CNTNAP2: variants seen among roughly 807,000 people sequenced by gnomAD.
The protein encoded by CNTNAP2 is contactin-associated protein-like 2.
Under a neutral mutation model 155.2 loss-of-function variants are expected in CNTNAP2, and 98 were observed. That is an observed-to-expected ratio of 0.63 (90% CI 0.54 to 0.75). The LOEUF (loss-of-function observed/expected upper bound fraction) is 0.75, where lower values mean the gene tolerates loss of function less well. Among genes scored for constraint, CNTNAP2 ranks in the 30% least tolerant of loss-of-function variants. The pLI is 0.00. For missense variants in CNTNAP2, 1,727 were observed against 1,688.1 expected (o/e 1.02, Z -0.40); for synonymous variants, 651 against 631.2 (o/e 1.03, Z -0.47).
intron 9 of CNTNAP2, among the ~76,000 whole-genome samples, chr7:147,332,016 A>T (rs938346579): frequency 6.6e-6 from 1 of 152,230 alleles, no homozygotes; most frequent in Non-Finnish European, 1.5e-5. Flanking sequence ...TTATTAAGGT[A>T]TACCATGACA....
chr7:146,654,580 T>C (rs1207422712), intron 1 of CNTNAP2, among the ~76,000 whole-genome samples: 1 of 152,166 alleles, frequency 6.6e-6, no homozygotes, highest in Non-Finnish European at 1.5e-5. Context: ...AGTCAAAAAA[T>C]ACTTGGGGCT....
intron 5 of CNTNAP2, among the ~76,000 whole-genome samples, chr7:147,119,864 C>G (rs556651386): frequency 6.6e-6 from 1 of 152,132 alleles, no homozygotes; most frequent in South Asian, 2.1e-4. Flanking sequence ...TATTCTGAAA[C>G]CCTATTATAT....
chr7:147,803,428 C>T (rs2116594966), intron 13 of CNTNAP2, among the ~76,000 whole-genome samples: 1 of 152,322 alleles, frequency 6.6e-6, no homozygotes, highest in Non-Finnish European at 1.5e-5. Context: ...CTGCTGGTGG[C>T]ACCGCAGGGA....
intron 1 of CNTNAP2, among the ~76,000 whole-genome samples, chr7:146,373,838 A>G (rs1030319028): frequency 2.0e-5 from 3 of 152,190 alleles, no homozygotes; most frequent in Non-Finnish European, 4.4e-5. Flanking sequence ...CTGGAATTGT[A>G]TCAGAAACAC....
chr7:148,403,715 A>G (rs1445539082), intron 22 of CNTNAP2, among the ~76,000 whole-genome samples: 1 of 152,220 alleles, frequency 6.6e-6, no homozygotes, highest in Non-Finnish European at 1.5e-5. Flanking sequence ...GTTTGTTCCC[A>G]GGGGAAAGGT....
At chr7:146,928,615 A>G (rs1405599140) in intron 3 of CNTNAP2, among the ~76,000 whole-genome samples, 4 of 152,194 alleles carry the variant, frequency 2.6e-5, no homozygotes. Context: ...ACCGTGCACG[A>G]GCCGAAGCAG....
chr7:146,470,353 TAATA>T (rs1298801387), intron 1 of CNTNAP2, among the ~76,000 whole-genome samples: 2 of 152,160 alleles, frequency 1.3e-5, no homozygotes. Context: ...AATAAAGAGA[TAATA>T]AATAAACATC....
intron 22 of CNTNAP2, among the ~76,000 whole-genome samples, chr7:148,391,126 T>C (rs1244307474): frequency 6.6e-6 from 1 of 152,212 alleles, no homozygotes; most frequent in African/African-American, 2.4e-5. Context: ...TTTTACCTTA[T>C]AATAAAGAGA....
intron 1 of CNTNAP2, among the ~76,000 whole-genome samples, chr7:146,354,411 A>ATTTTTTTTTTTTTTTTTTTTTTT (rs10641636): frequency 2.2e-5 from 3 of 135,346 alleles, no homozygotes; most frequent in African/African-American, 5.6e-5. Context: ...TCTTGTTAGT[A>ATTTTTTTTTTTTTTTTTTTTTTT]TTTTTTTTTT....
chr7:146,485,228 A>T (rs1201512760), intron 1 of CNTNAP2, among the ~76,000 whole-genome samples: 1 of 152,094 alleles, frequency 6.6e-6, no homozygotes, highest in Non-Finnish European at 1.5e-5. Context: ...CAGAGAGTGG[A>T]AAAAAATCAC....
intron 10 of CNTNAP2, among the ~76,000 whole-genome samples, chr7:147,430,126 G>T (rs1797441230): frequency 6.6e-6 from 1 of 152,070 alleles, no homozygotes; most frequent in Non-Finnish European, 1.5e-5. Flanking sequence ...TAGATATTTG[G>T]TGTCAGAAAC....
At chr7:147,643,042 G>T (rs1795306655) in intron 13 of CNTNAP2, among the ~76,000 whole-genome samples, 1 of 152,162 alleles carries the variant, frequency 6.6e-6, no homozygotes, top group African/African-American at 2.4e-5. Context: ...CCCAGGCTTT[G>T]ATAGAGCTTG....
chr7:147,722,008 G>A (rs915758528), intron 13 of CNTNAP2, among the ~76,000 whole-genome samples: 2 of 152,122 alleles, frequency 1.3e-5, no homozygotes, highest in Non-Finnish European at 2.9e-5. Flanking sequence ...AGTCTGTTCA[G>A]TTATAACCCA....
intron 20 of CNTNAP2, among the ~76,000 whole-genome samples, chr7:148,256,091 T>G (rs1165597879): frequency 2.0e-5 from 3 of 152,214 alleles, no homozygotes; most frequent in African/African-American, 7.2e-5. Context: ...CGAGATGTTT[T>G]AGTACATACG....
chr7:147,838,648 C>T (rs117810716), intron 13 of CNTNAP2, among the ~76,000 whole-genome samples: 2,075 of 152,302 alleles, frequency 0.014, 26 homozygotes, highest in Non-Finnish European at 0.021. Flanking sequence ...TGCTCCAGTT[C>T]CCAACAAGTT....
intron 1 of CNTNAP2, among the ~76,000 whole-genome samples, chr7:146,750,562 G>C (rs905185988): frequency 6.6e-6 from 1 of 151,320 alleles, no homozygotes; most frequent in African/African-American, 2.4e-5. Flanking sequence ...ATACTGGTGG[G>C]CTTCTTGAGC....
chr7:147,005,455 TGAA>T (rs1798507982), intron 3 of CNTNAP2, among the ~76,000 whole-genome samples: 1 of 151,930 alleles, frequency 6.6e-6, no homozygotes, highest in South Asian at 2.1e-4. Flanking sequence ...AAAGGACAAA[TGAA>T]GAACATAAAA....
At chr7:147,337,815 A>G (rs1170345808) in intron 9 of CNTNAP2, among the ~76,000 whole-genome samples, 1 of 152,202 alleles carries the variant, frequency 6.6e-6, no homozygotes, top group African/African-American at 2.4e-5. Flanking sequence ...GGCTCCAATT[A>G]GTATCCATTT....
At chr7:146,539,546 A>T (rs1205039136) in intron 1 of CNTNAP2, among the ~76,000 whole-genome samples, 3 of 152,042 alleles carry the variant, frequency 2.0e-5, no homozygotes, top group Non-Finnish European at 4.4e-5. Flanking sequence ...TGAAAAAAAA[A>T]ATACATAGAC....
Sources: gnomAD v4.1 joint callset for allele counts (sites outside exome capture counted in the v4.1 genomes callset) on GRCh38, gnomAD v4.1.1 for gene constraint, MANE v1.5 for transcripts, NCBI Gene and HGNC (gene_info 2026-07-23, HGNC 2026-07-21) for gene names.